Variants in DTD1 observed in about 807,000 individuals in gnomAD.
DTD1 encodes the protein D-aminoacyl-tRNA deacylase 1, also known as D-tyrosyl-tRNA deacylase 1 homolog.
In DTD1, 13 loss-of-function variants were observed where a neutral mutation model predicts 25.6. The observed-to-expected ratio is 0.51, with a 90% CI of 0.33 to 0.81. The LOEUF (loss-of-function observed/expected upper bound fraction) is 0.81. Ranked by LOEUF, DTD1 falls within the 30% of genes least tolerant of loss-of-function variation. DTD1 has a pLI of 0.02. For synonymous variants in DTD1, 110 were observed against 103.6 expected (o/e 1.06, Z -0.37); for missense variants, 193 against 266.4 (o/e 0.72, Z 1.92).
intron 4 of DTD1, among the ~76,000 whole-genome samples, chr20:18,730,766 G>C (rs900530443): frequency 6.6e-6 from 1 of 152,144 alleles, no homozygotes; most frequent in Non-Finnish European, 1.5e-5. Context: ...TTCTCAAGAG[G>C]CTGGAACTCT....
chr20:18,661,737 A>G (rs1335064516), intron 4 of DTD1, among the ~76,000 whole-genome samples: 1 of 152,224 alleles, frequency 6.6e-6, no homozygotes, highest in African/African-American at 2.4e-5. Flanking sequence ...CAAAGTAATA[A>G]TATTTGGAAT....
intron 4 of DTD1, among the ~76,000 whole-genome samples, chr20:18,658,050 A>G (rs1305189326): frequency 1.3e-5 from 2 of 152,166 alleles, no homozygotes; most frequent in African/African-American, 4.8e-5. Context: ...AGTGGGAGAG[A>G]GAAGTGGCAA....
chr20:18,724,594 A>G (rs1338037078), intron 4 of DTD1, among the ~76,000 whole-genome samples: 1 of 152,300 alleles, frequency 6.6e-6, no homozygotes, highest in Non-Finnish European at 1.5e-5. Flanking sequence ...ATAAAGATGG[A>G]CTATAATGTG....
intron 4 of DTD1, among the ~76,000 whole-genome samples, chr20:18,669,424 C>G (rs1346213454): frequency 2.0e-5 from 3 of 152,214 alleles, no homozygotes; most frequent in Non-Finnish European, 4.4e-5. Flanking sequence ...TGAAAGTTGG[C>G]CCGTCTTTGC....
intron 4 of DTD1, among the ~76,000 whole-genome samples, chr20:18,638,292 G>T (rs1275931300): frequency 2.6e-5 from 4 of 152,078 alleles, no homozygotes; most frequent in African/African-American, 4.8e-5. Flanking sequence ...TGCTTGCTCT[G>T]TGCTGGCCCT....
chr20:18,708,169 G>A (rs2061134084), intron 4 of DTD1, among the ~76,000 whole-genome samples: 1 of 105,660 alleles, frequency 9.5e-6, no homozygotes, highest in Non-Finnish European at 1.8e-5. Context: ...GTGTGTGTGT[G>A]TGTATATATA....
intron 4 of DTD1, among the ~76,000 whole-genome samples, chr20:18,733,041 A>G (rs981437352): frequency 6.6e-6 from 1 of 152,172 alleles, no homozygotes; most frequent in Non-Finnish European, 1.5e-5. Context: ...TTAGGTATAC[A>G]GGTGGTTTGT....
intron 4 of DTD1, among the ~76,000 whole-genome samples, chr20:18,644,185 CT>C (rs1195266051): frequency 6.6e-6 from 1 of 151,882 alleles, no homozygotes; most frequent in Non-Finnish European, 1.5e-5. Context: ...AAAATTGCTC[CT>C]TTATAATGTT....
chr20:18,662,793 G>T (rs1344317017), intron 4 of DTD1, among the ~76,000 whole-genome samples: 2 of 151,900 alleles, frequency 1.3e-5, no homozygotes, highest in Non-Finnish European at 2.9e-5. Flanking sequence ...ATATAAAACA[G>T]CCATCTTGTC....
chr20:18,598,440 G>A (rs184041812), intron 3 of DTD1, among the ~76,000 whole-genome samples: 249 of 152,112 alleles, frequency 1.6e-3, no homozygotes, highest in Non-Finnish European at 2.7e-3. Flanking sequence ...ATAAACATAC[G>A]TGTGCATGTG....
rs868586903 is a variant in DTD1 at position 18,589,369 on chromosome 20, A to C, written c.43+1254A>C. Among the ~76,000 whole-genome samples, 9 of 127,436 alleles carry C rather than the reference A, an allele frequency of 7.1e-5. 2 individuals are homozygous for C. The Middle Eastern group carries it at 0.033, about 468-fold the overall frequency. 83.6% of individuals were successfully genotyped at this position (127,436 alleles called of 152,430 possible). A position where few individuals can be genotyped will look rare whatever the true frequency, so the allele number is the denominator to read the frequency against. ...CTGTCTCAAAAAACAACAAACAAAC[A>C]AAACCCCAAAACAAAAAACAAAACA... is the stretch of plus-strand genomic sequence containing the variant. On this transcript the variant is annotated intron_variant, in intron 1 of 5. Coordinates refer to ENST00000377452, the MANE Select transcript of DTD1 (RefSeq NM_080820.6).
intron 4 of DTD1, among the ~76,000 whole-genome samples, chr20:18,633,078 G>A (rs1379226603): frequency 6.6e-6 from 1 of 152,168 alleles, no homozygotes; most frequent in African/African-American, 2.4e-5. Context: ...CTTAGGAAAG[G>A]TTACAAGACC....
intron 3 of DTD1, among the ~76,000 whole-genome samples, chr20:18,596,565 A>G (rs772415104): frequency 6.6e-6 from 1 of 152,224 alleles, no homozygotes; most frequent in Non-Finnish European, 1.5e-5. Flanking sequence ...GCAAGCCTCA[A>G]ATGTGAGCCA....
chr20:18,594,037 G>A (rs777384717), intron 2 of DTD1, among the ~76,000 whole-genome samples: 7 of 152,162 alleles, frequency 4.6e-5, no homozygotes, highest in South Asian at 2.1e-4. Flanking sequence ...CAGGAGCACC[G>A]CCTGTCCCCT....
intron 4 of DTD1, among the ~76,000 whole-genome samples, chr20:18,635,902 G>GT (rs2060805502): frequency 6.6e-6 from 1 of 152,100 alleles, no homozygotes. Flanking sequence ...ATTGAAAAGA[G>GT]TTTTTTTCTC....
At chr20:18,615,571 A>G (rs1052926054) in intron 3 of DTD1, among the ~76,000 whole-genome samples, 1 of 152,212 alleles carries the variant, frequency 6.6e-6, no homozygotes, top group Non-Finnish European at 1.5e-5. Context: ...TAGAAAAAAA[A>G]CAAGTTATAC....
intron 3 of DTD1, among the ~76,000 whole-genome samples, chr20:18,619,174 A>G (rs918239578): frequency 1.3e-5 from 2 of 151,964 alleles, no homozygotes; most frequent in Non-Finnish European, 2.9e-5. Flanking sequence ...GTTATTTGTC[A>G]GGTTCTTTAT....
intron 4 of DTD1, among the ~76,000 whole-genome samples, chr20:18,628,867 A>G (rs1393719757): frequency 6.6e-6 from 1 of 152,174 alleles, no homozygotes; most frequent in Non-Finnish European, 1.5e-5. Context: ...GGACTGAGCA[A>G]ACATTTCCAT....
intron 4 of DTD1, among the ~76,000 whole-genome samples, chr20:18,689,766 C>T (rs184330766): frequency 5.2e-4 from 79 of 152,098 alleles, no homozygotes; most frequent in Non-Finnish European, 9.1e-4. Context: ...GGACACTAGC[C>T]ACTTGTGACT....
Sources: allele counts gnomAD v4.1 joint callset (sites outside exome capture counted in the v4.1 genomes callset), GRCh38; gene constraint gnomAD v4.1.1; transcripts MANE v1.5; gene names NCBI Gene and HGNC (gene_info 2026-07-23, HGNC 2026-07-21).